Variants in FMN2 observed in about 807,000 individuals in gnomAD.
FMN2 encodes the protein formin-2.
In FMN2, 51 loss-of-function variants were observed where a neutral mutation model predicts 142.3. The ratio of observed to expected loss-of-function variants is 0.36; its 90% confidence interval spans 0.29 to 0.45. The LOEUF is 0.45. Ranked by LOEUF, FMN2 falls within the 20% of genes least tolerant of loss-of-function variation. FMN2 has a pLI of 1.00. For synonymous variants in FMN2, 882 were observed against 869.8 expected, an observed-to-expected ratio of 1.01 and a Z score of -0.25; for missense variants, 1,936 against 2,122.8, an observed-to-expected ratio of 0.91 and a Z score of 1.73.
At chr1:240,136,882 C>T (rs1448282014) in intron 2 of FMN2, among the ~76,000 whole-genome samples, 2 of 152,084 alleles carry the variant, frequency 1.3e-5, no homozygotes, top group East Asian at 3.9e-4. Flanking sequence ...ATCAGCCTGA[C>T]CCACATGGTG....
chr1:240,220,783 G>A (rs555083505), intron 6 of FMN2, among the ~76,000 whole-genome samples: 45 of 151,896 alleles, frequency 3.0e-4, no homozygotes, highest in African/African-American at 1.1e-3. Context: ...TTGTTACATA[G>A]GTATACACGT....
At chr1:240,294,348 T>A (rs548046314) in intron 7 of FMN2, among the ~76,000 whole-genome samples, 199 of 152,318 alleles carry the variant, frequency 1.3e-3, no homozygotes, top group African/African-American at 4.6e-3. Flanking sequence ...TATAATATTT[T>A]GAGGAATTAT....
intron 16 of FMN2, among the ~76,000 whole-genome samples, chr1:240,468,700 G>A (rs1009735148): frequency 2.6e-5 from 4 of 152,102 alleles, no homozygotes; most frequent in Non-Finnish European, 5.9e-5. Context: ...GAAATGTTAG[G>A]CATCACTGAA....
chr1:240,210,072 T>C (rs868377336), intron 5 of FMN2, among the ~76,000 whole-genome samples: 3 of 152,300 alleles, frequency 2.0e-5, no homozygotes, highest in South Asian at 2.1e-4. Flanking sequence ...CTGTCCCTCA[T>C]TGGCAACACA....
rs191385708 is a variant in FMN2, at chr1:240,390,315, A to G, written c.4859-2196A>G. On this transcript the variant is annotated intron_variant, in intron 14 of 17. Coordinates refer to ENST00000319653, the MANE Select transcript of FMN2 (RefSeq NM_020066.5). ...TTGTCTTTATGATTGTGATATGGCT[A>G]TTAGGTTTGGTAAGAAGCTTTGGTT... Among the ~76,000 whole-genome samples, 27 of 152,270 alleles carry G rather than the reference A, an allele frequency of 1.8e-4. No homozygotes were observed. In the East Asian group the frequency reaches 5.0e-3, roughly 28 times the overall value.
chr1:240,427,330 T>A (rs538344828), intron 15 of FMN2, among the ~76,000 whole-genome samples: 1 of 151,876 alleles, frequency 6.6e-6, no homozygotes, highest in Admixed American at 6.6e-5. Context: ...CTCAGCCTCC[T>A]GAGTAGCTTG....
intron 15 of FMN2, among the ~76,000 whole-genome samples, chr1:240,420,302 C>T (rs1674719016): frequency 6.6e-6 from 1 of 152,138 alleles, no homozygotes; most frequent in African/African-American, 2.4e-5. Context: ...TTCCACATTC[C>T]TTCCTCTTCC....
At chr1:240,435,443 C>A (rs993191706) in intron 15 of FMN2, among the ~76,000 whole-genome samples, 9 of 150,662 alleles carry the variant, frequency 6.0e-5, no homozygotes, top group African/African-American at 1.9e-4. Flanking sequence ...ATAAATCAGC[C>A]CCAATTGAAT....
intron 3 of FMN2, among the ~76,000 whole-genome samples, chr1:240,184,770 G>A (rs988163955): frequency 6.6e-6 from 1 of 151,782 alleles, no homozygotes; most frequent in Non-Finnish European, 1.5e-5. Context: ...CGGGAGTTCC[G>A]GGAGTGATCA....
chr1:240,451,275 C>T (rs539539206), intron 16 of FMN2, among the ~76,000 whole-genome samples: 1 of 151,118 alleles, frequency 6.6e-6, no homozygotes, highest in East Asian at 2.0e-4. Flanking sequence ...AGGGGAATCA[C>T]TTGAACCTGG....
rs1553357874 is a variant in FMN2, at chr1:240,296,462, T to TA, written c.4215+1580dup. On this transcript the variant is annotated intron_variant, in intron 8 of 17. Transcript: ENST00000319653. ...GCTTTTTTTTTTTTTTTTTTTTTTT[T>TA]ACTTTATTTCTGTTCTTGCCTTTGA... 2.5e-3 allele frequency among the ~76,000 whole-genome samples: 333 copies of TA among 135,816 alleles called. 4 individuals carry two copies. Among genetic ancestry groups the TA allele is most frequent in the African/African-American group, 8.9e-3 (309 of 34,828 alleles). 89.1% of individuals were successfully genotyped at this position (135,816 alleles called of 152,430 possible).
At chr1:240,165,025 C>A (rs1664423486) in intron 2 of FMN2, among the ~76,000 whole-genome samples, 3 of 152,022 alleles carry the variant, frequency 2.0e-5, no homozygotes, top group African/African-American at 7.2e-5. Flanking sequence ...TGGATTGTTT[C>A]TTTTTATCCT....
intron 13 of FMN2, among the ~76,000 whole-genome samples, chr1:240,354,566 G>A (rs1416730802): frequency 6.6e-6 from 1 of 152,134 alleles, no homozygotes; most frequent in African/African-American, 2.4e-5. Flanking sequence ...GCACAGGTGA[G>A]GGATGAGAAG....
Position 240,143,568 on chromosome 1 carries a change from A to G in FMN2, c.1782+20223A>G. 8 of 1,605,880 alleles carry G rather than the reference A, an allele frequency of 5.0e-6. No homozygotes were observed. The South Asian group carries it at 8.8e-5, about 18-fold the overall frequency. On this transcript the variant is annotated intron_variant, in intron 2 of 17. Coordinates refer to ENST00000319653, the MANE Select transcript of FMN2 (RefSeq NM_020066.5). ...GGAGCAGCTGCTGCACCTTCAGCAC[A>G]TTCCCAGAGCCTGCCTATGCACACA... is the stretch of plus-strand genomic sequence containing the variant.
In FMN2 at chr1:240,142,709, T is replaced by G. The variant is rs1405944175; in HGVS notation, c.1782+19364T>G. The G allele has an allele frequency of 1.9e-6, 3 of 1,611,200 alleles. No individual in the cohort carries two copies. The Admixed American group carries it at 5.0e-5, about 27-fold the overall frequency. On this transcript the variant is annotated intron_variant, in intron 2 of 17. Coordinates refer to ENST00000319653, the MANE Select transcript of FMN2 (RefSeq NM_020066.5). The stretch of plus-strand genomic sequence containing the variant: ...GGTTCTTCCGAAGGATAACAAAACT[T>G]TCCAGAATGGGGGTAACAGGAAGAA...
In FMN2 at chr1:240,324,677, A is replaced by AAG. The variant is rs764097978; in HGVS notation, c.4216-4382_4216-4381dup. Among the ~76,000 whole-genome samples the AAG allele has an allele frequency of 4.2e-3, 576 of 137,356 alleles. 1 individual carries two copies. The highest frequency in any genetic ancestry group is 0.011 in the African/African-American group (439 of 38,462). 90.1% of individuals were successfully genotyped at this position (137,356 alleles called of 152,430 possible). On this transcript the variant is annotated intron_variant, in intron 8 of 17. Transcript: ENST00000319653. ...GAGTGAGACCCTGTCGAAAGAAGGAAAGAGAGAGAGAGAGAGAGGGAGGGA... is the reference window on the plus strand; with the variant it reads ...GAGTGAGACCCTGTCGAAAGAAGGAAAGAGAGAGAGAGAGAGAGAGGGAGGGA...
chr1:240,151,452 A>G (rs1663769573), intron 2 of FMN2, among the ~76,000 whole-genome samples: 1 of 151,996 alleles, frequency 6.6e-6, no homozygotes, highest in African/African-American at 2.4e-5. Flanking sequence ...TATATGTGCT[A>G]CTTCTGCTTG....
chr1:240,361,139 G>GTATATA (rs1444875541), intron 14 of FMN2, among the ~76,000 whole-genome samples: 36 of 9,522 alleles, frequency 3.8e-3, no homozygotes, highest in Non-Finnish European at 5.1e-3. Flanking sequence ...ATAAATATAT[G>GTATATA]TGTATATATA....
At chr1:240,241,986 C>T (rs1243223828) in intron 6 of FMN2, among the ~76,000 whole-genome samples, 2 of 151,958 alleles carry the variant, frequency 1.3e-5, no homozygotes, top group Non-Finnish European at 2.9e-5. Flanking sequence ...ACTGGGACTA[C>T]AGGTGCCCGC....
Sources: gnomAD v4.1 joint callset for allele counts (sites outside exome capture counted in the v4.1 genomes callset) on GRCh38, gnomAD v4.1.1 for gene constraint, MANE v1.5 for transcripts, NCBI Gene and HGNC (gene_info 2026-07-23, HGNC 2026-07-21) for gene names.